ATP8B1: variants seen among roughly 807,000 people sequenced by gnomAD.
ATP8B1 encodes the protein phospholipid-transporting ATPase IC.
A neutral mutation model predicts 149.9 loss-of-function variants in ATP8B1; 80 were observed. That is an observed-to-expected ratio of 0.53 (90% CI 0.45 to 0.64). ATP8B1 has a LOEUF of 0.64. ATP8B1 is among the 30% of genes least tolerant of loss of function. ATP8B1 has a pLI of 0.00. For missense variants in ATP8B1, 1,247 were observed against 1,552.6 expected (o/e 0.80, Z 3.31); for synonymous variants, 536 against 562.8 (o/e 0.95, Z 0.67).
At chr18:57,656,150 A>G (rs1909979850) in intron 22 of ATP8B1, among the ~76,000 whole-genome samples, 1 of 152,110 alleles carries the variant, frequency 6.6e-6, no homozygotes, top group Non-Finnish European at 1.5e-5. Flanking sequence ...GACCCAGCCT[A>G]GACCCTGCTT....
chr18:57,741,313 G>A (rs981337039), intron 1 of ATP8B1, among the ~76,000 whole-genome samples: 1 of 152,198 alleles, frequency 6.6e-6, no homozygotes, highest in Admixed American at 6.5e-5. Context: ...AAAAAACCAT[G>A]ACTTCTTGTT....
chr18:57,666,957 C>G (rs1910897725), intron 20 of ATP8B1, 135 bp downstream of exon 20: 1 of 784,268 alleles, frequency 1.3e-6, no homozygotes, highest in South Asian at 1.5e-5. Context: ...TGTCTTGCCT[C>G]ATTTAAACAT....
At chr18:57,725,418 C>T (rs1481692611) in intron 2 of ATP8B1, among the ~76,000 whole-genome samples, 1 of 152,068 alleles carries the variant, frequency 6.6e-6, no homozygotes, top group Non-Finnish European at 1.5e-5. Flanking sequence ...ATATTCCATG[C>T]TCATGGATTG....
At chr18:57,756,242 TACACACACAC>T (rs541129488) in intron 1 of ATP8B1, among the ~76,000 whole-genome samples, 1 of 113,124 alleles carries the variant, frequency 8.8e-6, no homozygotes, top group African/African-American at 3.5e-5. Flanking sequence ...CACACATATA[TACACACACAC>T]ATATATATAT....
At chr18:57,694,721 T>A in intron 10 of ATP8B1, 51 bp from the exon 11 acceptor site, 1 of 1,200,456 alleles carries the variant, frequency 8.3e-7, no homozygotes. Flanking sequence ...ATCAATTCAC[T>A]AGCTCACCAA....
At chr18:57,679,947 G>GA (rs1911844762) in intron 15 of ATP8B1, among the ~76,000 whole-genome samples, 1 of 151,976 alleles carries the variant, frequency 6.6e-6, no homozygotes, top group Admixed American at 6.6e-5. Flanking sequence ...TTACAGGCGT[G>GA]AATCACTGCA....
At chr18:57,719,403 G>A (rs187626345) in intron 2 of ATP8B1, among the ~76,000 whole-genome samples, 91 of 152,284 alleles carry the variant, frequency 6.0e-4, no homozygotes, top group Middle Eastern at 3.4e-3. Flanking sequence ...GTGGGTGCGC[G>A]CACTGTGCGC....
At chr18:57,757,458 G>A (rs1345176979) in intron 1 of ATP8B1, among the ~76,000 whole-genome samples, 2 of 152,172 alleles carry the variant, frequency 1.3e-5, no homozygotes, top group Admixed American at 1.3e-4. Flanking sequence ...GGGTGACTTT[G>A]CTTCTTGGTC....
chr18:57,667,219 T>G (rs1396614827), intron 19 of ATP8B1, 52 bp from the exon 20 acceptor site: 1 of 1,464,696 alleles, frequency 6.8e-7, no homozygotes, highest in Non-Finnish European at 9.5e-7. Flanking sequence ...TTTTATTTTA[T>G]TTTATTTTGT....
chr18:57,686,193 C>T (rs1446274857), intron 13 of ATP8B1, among the ~76,000 whole-genome samples: 2 of 148,992 alleles, frequency 1.3e-5, no homozygotes, highest in African/African-American at 2.5e-5. Flanking sequence ...ACCTGGGAGG[C>T]GGAGGGGTTG....
intron 2 of ATP8B1, among the ~76,000 whole-genome samples, chr18:57,730,634 C>T (rs1458811239): frequency 6.6e-6 from 1 of 152,162 alleles, no homozygotes; most frequent in African/African-American, 2.4e-5. Flanking sequence ...CCATGTTCTA[C>T]TGCCTTCAGT....
chr18:57,674,901 A>G lies in ATP8B1; in HGVS notation c.1752T>C (p.Thr584=), dbSNP rs116768798. 1 of 1,614,244 alleles carries G rather than the reference A, an allele frequency of 6.2e-7. No homozygotes were observed. Among genetic ancestry groups the G allele is most frequent in the African/African-American group, 1.3e-5 (1 of 75,074 alleles). Residue 584 remains threonine, a synonymous_variant, in exon 16 of 28, where the codon ACT becomes ACC. Transcript: ENST00000648908. ...QNTITISELG[T]ERTYNVLAIL... Reference sequence around the variant, plus strand: ...TGGCAAGAACATTGTAAGTCCTTTCAGTGCCCAGTTCACTGATGGTGATGG... The same window carrying G: ...TGGCAAGAACATTGTAAGTCCTTTCGGTGCCCAGTTCACTGATGGTGATGG...
rs1474136618 is a variant in ATP8B1 at position 57,648,530 on chromosome 18, C to T, written c.3714G>A (p.Val1238=). The change falls in exon 28 of 28, where the codon GTG becomes GTA. Residue 1238 remains valine, a synonymous_variant. Coordinates refer to ENST00000648908, the MANE Select transcript of ATP8B1 (RefSeq NM_001374385.1). The part of the protein sequence containing the change: ...RKKRSPLDAI[V]ADGTAEYRRT... ...GCCTGTACTCCGCGGTGCCATCCGCCACGATGGCATCAAGCGGCGAGCGCT... is the reference window on the plus strand; with the variant it reads ...GCCTGTACTCCGCGGTGCCATCCGCTACGATGGCATCAAGCGGCGAGCGCT... The T allele has an allele frequency of 6.2e-7, 1 of 1,611,520 alleles. No homozygotes were observed. Among genetic ancestry groups the T allele is most frequent in the Admixed American group, 1.7e-5 (1 of 60,030 alleles).
intron 2 of ATP8B1, among the ~76,000 whole-genome samples, chr18:57,718,130 A>C (rs1339622139): frequency 6.6e-6 from 1 of 151,310 alleles, no homozygotes; most frequent in Non-Finnish European, 1.5e-5. Context: ...AAAAAAAGCA[A>C]AAAAAGAGAG....
At chr18:57,724,519 A>G (rs1177386525) in intron 2 of ATP8B1, among the ~76,000 whole-genome samples, 2 of 152,190 alleles carry the variant, frequency 1.3e-5, no homozygotes, top group Non-Finnish European at 2.9e-5. Context: ...ATCACTGGCC[A>G]TCAGAGAAAT....
intron 16 of ATP8B1, among the ~76,000 whole-genome samples, chr18:57,673,867 T>C (rs1161548328): frequency 6.6e-6 from 1 of 152,156 alleles, no homozygotes; most frequent in African/African-American, 2.4e-5. Flanking sequence ...TGGTCTGTTA[T>C]GTGCCTGCAT....
chr18:57,746,202 C>G (rs2079962217), intron 1 of ATP8B1, among the ~76,000 whole-genome samples: 1 of 152,158 alleles, frequency 6.6e-6, no homozygotes, highest in Non-Finnish European at 1.5e-5. Flanking sequence ...TTAATAATAG[C>G]TATCCACTCC....
intron 1 of ATP8B1, among the ~76,000 whole-genome samples, chr18:57,776,290 G>A (rs904185391): frequency 1.3e-5 from 2 of 152,202 alleles, no homozygotes; most frequent in Non-Finnish European, 2.9e-5. Flanking sequence ...TGTCTTGTTG[G>A]GCATGCTGCT....
At chr18:57,648,975 G>A (rs570611815) in intron 27 of ATP8B1, among the ~76,000 whole-genome samples, 1 of 151,932 alleles carries the variant, frequency 6.6e-6, no homozygotes, top group South Asian at 2.1e-4. Context: ...TTGGCTCACT[G>A]CAACCTCTGC....
Sources: allele counts gnomAD v4.1 joint callset (sites outside exome capture counted in the v4.1 genomes callset), GRCh38; gene constraint gnomAD v4.1.1; transcripts MANE v1.5; gene names NCBI Gene and HGNC (gene_info 2026-07-23, HGNC 2026-07-21).